EPHA6: variants seen among roughly 807,000 people sequenced by gnomAD.
EPHA6 encodes the protein EPH receptor A6.
EPHA6 carries 50 observed loss-of-function variants against 112.0 expected under a neutral mutation model. The observed-to-expected ratio is 0.45, with a 90% CI of 0.36 to 0.56. The LOEUF is 0.56. EPHA6 is among the 20% of genes least tolerant of loss of function. EPHA6 has a pLI of 0.00. For missense variants in EPHA6, 1,280 were observed against 1,417.4 expected (o/e 0.90, Z 1.56); for synonymous variants, 529 against 490.7 (o/e 1.08, Z -1.03).
chr3:97,603,548 A>G (rs868817590), intron 12 of EPHA6, among the ~76,000 whole-genome samples: 15 of 152,034 alleles, frequency 9.9e-5, no homozygotes, highest in African/African-American at 2.6e-4. Flanking sequence ...TCGAATCATC[A>G]TAGTGACTAT....
intron 4 of EPHA6, among the ~76,000 whole-genome samples, chr3:97,242,632 C>G (rs2078879625): frequency 6.6e-6 from 1 of 151,838 alleles, no homozygotes; most frequent in Admixed American, 6.6e-5. Context: ...AGTAGAGTAT[C>G]TGCCACATAG....
intron 2 of EPHA6, among the ~76,000 whole-genome samples, chr3:96,880,228 T>TA (rs532282580): frequency 2.6e-5 from 4 of 152,286 alleles, no homozygotes; most frequent in South Asian, 4.1e-4. Context: ...AATGTATACA[T>TA]GTATCAAAAC....
intron 12 of EPHA6, among the ~76,000 whole-genome samples, chr3:97,603,787 A>T (rs2093660316): frequency 6.6e-6 from 1 of 151,938 alleles, no homozygotes; most frequent in Non-Finnish European, 1.5e-5. Context: ...CTCTACCCTA[A>T]GAGAAACCAT....
intron 1 of EPHA6, among the ~76,000 whole-genome samples, chr3:96,826,474 A>G (rs1017326537): frequency 2.0e-5 from 3 of 152,038 alleles, no homozygotes; most frequent in Non-Finnish European, 4.4e-5. Flanking sequence ...TCTTTAGTAT[A>G]TTAGTAAATG....
intron 7 of EPHA6, 49 bp from the exon 8 acceptor site, chr3:97,475,303 A>G: frequency 7.4e-7 from 1 of 1,342,992 alleles, no homozygotes; most frequent in Non-Finnish European, 1.0e-6. Context: ...AATGGTTTTA[A>G]TAGTGAAATG....
rs1292554466 is a variant in EPHA6, at chr3:97,644,638, C to T, written c.2784+6556C>T. Among the ~76,000 whole-genome samples, 31 of 151,532 alleles carry T rather than the reference C, an allele frequency of 2.0e-4. 1 individual carries two copies. In the East Asian group the frequency reaches 5.6e-3, roughly 28 times the overall value. On this transcript the variant is annotated intron_variant, in intron 14 of 17. Coordinates refer to ENST00000389672, the MANE Select transcript of EPHA6 (RefSeq NM_001080448.3). ...ACGATCCCACAGAAATACAAACTAC[C>T]ATCAGAGAATACTACAAACACCTCT...
intron 12 of EPHA6, among the ~76,000 whole-genome samples, chr3:97,597,991 C>T (rs1185915583): frequency 6.6e-6 from 1 of 152,050 alleles, no homozygotes; most frequent in South Asian, 2.1e-4. Context: ...TTGGCATAAA[C>T]TCAATATGCC....
Position 97,451,777 on chromosome 3 carries a change from CTCT to C in EPHA6, c.1894+3052_1894+3054del, listed in dbSNP as rs138367388. 4.3e-3 allele frequency among the ~76,000 whole-genome samples: 650 copies of C among 151,968 alleles called. 1 individual carries two copies. Among genetic ancestry groups the C allele is most frequent in the Non-Finnish European group, 7.3e-3 (494 of 67,838 alleles). On this transcript the variant is annotated intron_variant, in intron 7 of 17. Coordinates refer to ENST00000389672, the MANE Select transcript of EPHA6 (RefSeq NM_001080448.3). ...TCTTTTTCTCTCCGTACCCTCCTGG[CTCT>C]TCTTTAAATTTTATAGCCTTTGTTT... is the stretch of plus-strand genomic sequence containing the variant.
chr3:97,516,286 C>A (rs368655373), intron 10 of EPHA6, among the ~76,000 whole-genome samples: 2 of 152,068 alleles, frequency 1.3e-5, no homozygotes, highest in Admixed American at 6.6e-5. Flanking sequence ...CTTCTAAGAT[C>A]GTGTCCTGAC....
In EPHA6 at chr3:97,061,766, C is replaced by CTCAT. The variant is rs1008668563; in HGVS notation, c.1114+73787_1114+73790dup. Among the ~76,000 whole-genome samples, 14 of 152,164 alleles carry CTCAT rather than the reference C, an allele frequency of 9.2e-5. 1 individual carries two copies. Among genetic ancestry groups the CTCAT allele is most frequent in the South Asian group, 4.1e-4 (2 of 4,830 alleles). ...AATAGGAAAGAAGAGAGTTCATTCA[C>CTCAT]TCATTCATTCATTCATTTAACAGCT... On this transcript the variant is annotated intron_variant, in intron 3 of 17. Coordinates refer to ENST00000389672, the MANE Select transcript of EPHA6 (RefSeq NM_001080448.3).
At chr3:97,192,660 G>T (rs1356231074) in intron 3 of EPHA6, among the ~76,000 whole-genome samples, 1 of 152,044 alleles carries the variant, frequency 6.6e-6, no homozygotes, top group Admixed American at 6.6e-5. Flanking sequence ...TTTTGTTTCA[G>T]TTGTCTGTAC....
intron 3 of EPHA6, among the ~76,000 whole-genome samples, chr3:97,058,491 G>A (rs934102862): frequency 2.0e-5 from 3 of 152,016 alleles, no homozygotes; most frequent in African/African-American, 4.8e-5. Context: ...TGGTGGAGAC[G>A]GGGTTTCACC....
intron 10 of EPHA6, among the ~76,000 whole-genome samples, chr3:97,518,906 C>A (rs1052011447): frequency 6.6e-5 from 10 of 152,012 alleles, no homozygotes; most frequent in African/African-American, 2.4e-4. Context: ...GGTCCCATGT[C>A]AAGTAAATAA....
intron 5 of EPHA6, among the ~76,000 whole-genome samples, chr3:97,273,441 C>G (rs970943037): frequency 2.0e-5 from 3 of 152,104 alleles, no homozygotes; most frequent in Admixed American, 6.5e-5. Context: ...TTTGGGGGCA[C>G]AGTCCAAGTT....
chr3:97,077,841 T>C (rs1450013210), intron 3 of EPHA6, among the ~76,000 whole-genome samples: 4 of 152,154 alleles, frequency 2.6e-5, no homozygotes, highest in Non-Finnish European at 4.4e-5. Flanking sequence ...GTCAATAGTG[T>C]TGTAATAAAT....
At chr3:97,011,041 C>G (rs892017304) in intron 3 of EPHA6, among the ~76,000 whole-genome samples, 3 of 152,008 alleles carry the variant, frequency 2.0e-5, no homozygotes, top group Non-Finnish European at 4.4e-5. Flanking sequence ...TACTTGTAAC[C>G]AAACTAAGGT....
At chr3:97,220,593 G>C (rs544207466) in intron 3 of EPHA6, among the ~76,000 whole-genome samples, 12 of 152,160 alleles carry the variant, frequency 7.9e-5, no homozygotes, top group Non-Finnish European at 1.8e-4. Context: ...CTAGAGAAGG[G>C]GGAAGAGCCT....
At chr3:97,284,013 G>A (rs1334722844) in intron 5 of EPHA6, among the ~76,000 whole-genome samples, 1 of 151,996 alleles carries the variant, frequency 6.6e-6, no homozygotes, top group Non-Finnish European at 1.5e-5. Context: ...TTAAAATAAA[G>A]TTTTTTCACA....
chr3:96,966,025 A>G (rs1417493933), intron 2 of EPHA6, among the ~76,000 whole-genome samples: 2 of 152,062 alleles, frequency 1.3e-5, no homozygotes, highest in Non-Finnish European at 2.9e-5. Flanking sequence ...ACAAAATTTT[A>G]TTACTGTGGA....
Sources: gnomAD v4.1 joint callset for allele counts (sites outside exome capture counted in the v4.1 genomes callset) on GRCh38, gnomAD v4.1.1 for gene constraint, MANE v1.5 for transcripts, NCBI Gene and HGNC (gene_info 2026-07-23, HGNC 2026-07-21) for gene names.